The following PRELID2 variants were observed in gnomAD, a reference collection of about 807,000 sequenced individuals.
The protein encoded by PRELID2 is PRELI domain-containing protein 2.
A neutral mutation model predicts 28.4 loss-of-function variants in PRELID2; 25 were observed. The observed-to-expected ratio is 0.88, with a 90% CI of 0.64 to 1.23. The LOEUF is 1.23. PRELID2 is among the 50% of genes most tolerant of loss of function. The probability of loss-of-function intolerance (pLI) is 0.00; values close to 1 mark genes in which losing one functional copy is unlikely to be tolerated. For missense variants in PRELID2, 201 were observed against 214.4 expected (o/e 0.94, Z 0.39); for synonymous variants, 76 against 71.6 (o/e 1.06, Z -0.31).
the PRELID2 span, among the ~76,000 whole-genome samples, chr5:145,270,540 T>C: frequency 6.6e-6 from 1 of 152,184 alleles, no homozygotes; most frequent in African/African-American, 2.4e-5. Context: ...AATGTGCGGT[T>C]CTAGAATCAG....
At chr5:145,582,847 A>G (rs1753120367) in intron 1 of PRELID2, among the ~76,000 whole-genome samples, 1 of 152,186 alleles carries the variant, frequency 6.6e-6, no homozygotes, top group Non-Finnish European at 1.5e-5. Context: ...ACAGATTTAT[A>G]GCTGAATTCT....
chr5:145,421,622 C>CT, the PRELID2 span, among the ~76,000 whole-genome samples: 27 of 138,378 alleles, frequency 2.0e-4, no homozygotes, highest in African/African-American at 7.1e-4. Flanking sequence ...ATTCTTCTCT[C>CT]TTTTTTTCTT....
chr5:145,742,999 T>C (rs1756877636), intron 1 of PRELID2, among the ~76,000 whole-genome samples: 1 of 152,032 alleles, frequency 6.6e-6, no homozygotes, highest in Admixed American at 6.6e-5. Context: ...AAATATAAAT[T>C]ACTTCAACTT....
At chr5:145,360,777 C>G in the PRELID2 span, among the ~76,000 whole-genome samples, 1 of 152,100 alleles carries the variant, frequency 6.6e-6, no homozygotes, top group African/African-American at 2.4e-5. Context: ...GAGCAGATCT[C>G]TACTTCTATT....
the PRELID2 span, among the ~76,000 whole-genome samples, chr5:145,463,706 G>T: frequency 6.6e-6 from 1 of 152,118 alleles, no homozygotes; most frequent in African/African-American, 2.4e-5. Context: ...GCCTACAGGG[G>T]CCTGAAGGTA....
chr5:145,282,618 C>T, the PRELID2 span, among the ~76,000 whole-genome samples: 2 of 151,680 alleles, frequency 1.3e-5, no homozygotes, highest in South Asian at 4.2e-4. Flanking sequence ...CTCCTGGTTT[C>T]AAGCGATCCT....
At chr5:145,712,962 C>G (rs1046328013) in intron 1 of PRELID2, among the ~76,000 whole-genome samples, 2 of 151,644 alleles carry the variant, frequency 1.3e-5, no homozygotes, top group Admixed American at 6.6e-5. Context: ...AAGGGTCAGT[C>G]AAGCTAAAGA....
chr5:145,229,172 A>G, the PRELID2 span: 1 of 927,604 alleles, frequency 1.1e-6, no homozygotes, highest in Non-Finnish European at 1.8e-6. Context: ...GCCCCACAAG[A>G]AAGGGGAACG....
chr5:145,815,546 C>A (rs1754241671), intron 4 of PRELID2, among the ~76,000 whole-genome samples: 1 of 152,128 alleles, frequency 6.6e-6, no homozygotes, highest in Non-Finnish European at 1.5e-5. Flanking sequence ...AACTCCGTAC[C>A]AACTGGCAGT....
At chr5:145,529,462 T>C (rs1451848006) in intron 1 of PRELID2, among the ~76,000 whole-genome samples, 1 of 152,216 alleles carries the variant, frequency 6.6e-6, no homozygotes, top group Non-Finnish European at 1.5e-5. Flanking sequence ...TACAACTTCA[T>C]GGTTTATAAA....
At chr5:145,467,216 C>T (rs895459653), downstream of PRELID2, among the ~76,000 whole-genome samples, 1 of 152,124 alleles carries the variant, frequency 6.6e-6, no homozygotes, top group Non-Finnish European at 1.5e-5. Flanking sequence ...ACTGTTATAA[C>T]CAAGAGTATT....
intron 1 of PRELID2, among the ~76,000 whole-genome samples, chr5:145,527,177 A>T (rs1752616014): frequency 6.6e-6 from 1 of 152,186 alleles, no homozygotes; most frequent in Non-Finnish European, 1.5e-5. Flanking sequence ...TTCTGATGAA[A>T]CTGTTCTATT....
At chr5:145,681,964 A>C (rs1259770077) in intron 1 of PRELID2, among the ~76,000 whole-genome samples, 10 of 152,232 alleles carry the variant, frequency 6.6e-5, no homozygotes, top group Admixed American at 6.5e-4. Context: ...AAAGATGCTG[A>C]CTGAAGGTTT....
At chr5:145,449,136 G>A in the PRELID2 span, among the ~76,000 whole-genome samples, 1 of 152,082 alleles carries the variant, frequency 6.6e-6, no homozygotes, top group Non-Finnish European at 1.5e-5. Context: ...GGTTCTGAAA[G>A]CCCCAGAGGA....
At chr5:145,522,314 T>C (rs1339955784) in intron 1 of PRELID2, among the ~76,000 whole-genome samples, 1 of 152,162 alleles carries the variant, frequency 6.6e-6, no homozygotes, top group Non-Finnish European at 1.5e-5. Context: ...TTAGGTATTT[T>C]ATTTGCATAA....
At chr5:145,424,140 G>A in the PRELID2 span, among the ~76,000 whole-genome samples, 10 of 151,420 alleles carry the variant, frequency 6.6e-5, no homozygotes, top group South Asian at 2.1e-4. Flanking sequence ...TCTCTTCAAA[G>A]CTGTCAGACA....
downstream of PRELID2, among the ~76,000 whole-genome samples, chr5:145,467,863 GTTTAT>G (rs978996134): frequency 2.0e-5 from 3 of 151,102 alleles, no homozygotes; most frequent in African/African-American, 4.9e-5. Context: ...TTATTTTCAA[GTTTAT>G]TTTAAAGTTA....
chr5:145,636,288 T>C (rs946142936), intron 1 of PRELID2, among the ~76,000 whole-genome samples: 5 of 152,218 alleles, frequency 3.3e-5, no homozygotes, highest in African/African-American at 7.2e-5. Flanking sequence ...TCTAACTCCA[T>C]AGCACATGCT....
chr5:145,368,131 T>G, the PRELID2 span, among the ~76,000 whole-genome samples: 11 of 151,984 alleles, frequency 7.2e-5, no homozygotes, highest in African/African-American at 2.7e-4. Context: ...CTTCCCCAAC[T>G]GGAACATGAG....
Sources: allele counts gnomAD v4.1 joint callset (sites outside exome capture counted in the v4.1 genomes callset), GRCh38; gene constraint gnomAD v4.1.1; transcripts MANE v1.5; gene names NCBI Gene and HGNC (gene_info 2026-07-23, HGNC 2026-07-21).